The following PRTFDC1 variants were observed in gnomAD, a reference collection of about 807,000 sequenced individuals.
PRTFDC1 encodes the protein phosphoribosyl transferase domain containing 1.
A neutral mutation model predicts 34.6 loss-of-function variants in PRTFDC1; 38 were observed. That is an observed-to-expected ratio of 1.10 (90% CI 0.85 to 1.44). The LOEUF is 1.44. Ranked by LOEUF, PRTFDC1 falls within the 40% of genes most tolerant of loss-of-function variation. The pLI, the probability that PRTFDC1 is intolerant of heterozygous loss-of-function variation, is 0.00. For synonymous variants in PRTFDC1, 93 were observed against 98.1 expected (o/e 0.95, Z 0.31); for missense variants, 270 against 283.0 (o/e 0.95, Z 0.33).
At chr10:24,864,935 G>A (rs1255575782) in intron 4 of PRTFDC1, among the ~76,000 whole-genome samples, 1 of 152,096 alleles carries the variant, frequency 6.6e-6, no homozygotes, top group Non-Finnish European at 1.5e-5. Context: ...AGCCAACATG[G>A]TGAACCTCTG....
chr10:24,887,269 C>A (rs369296421), intron 3 of PRTFDC1, among the ~76,000 whole-genome samples: 1 of 152,140 alleles, frequency 6.6e-6, no homozygotes, highest in East Asian at 1.9e-4. Flanking sequence ...CGCGCCCGGC[C>A]GTTAATACTC....
At chr10:24,868,142 G>C (rs1847815849) in intron 4 of PRTFDC1, 1 of 152,080 alleles carries the variant, frequency 6.6e-6, no homozygotes, top group Non-Finnish European at 1.5e-5. Flanking sequence ...GTTGGTTTTG[G>C]GTACATGACA....
In PRTFDC1 at chr10:24,848,669, T is replaced by A. The variant is rs1410294477; in HGVS notation, c.*1175A>T. ...TAGTTTAAAGGAAGCTAGAACCTAA[T>A]AACAATACGCCACATACGGTTCAGA... On this transcript the variant is annotated 3_prime_UTR_variant, in exon 9 of 9. Transcript: ENST00000320152. 1 of 152,206 alleles carries A rather than the reference T, an allele frequency of 6.6e-6. No homozygotes were observed. The highest frequency in any genetic ancestry group is 1.5e-5 in the Non-Finnish European group (1 of 68,046). 9.4% of individuals were successfully genotyped at this position (152,206 alleles called of 1,614,324 possible).
chr10:24,881,822 G>C (rs2132526496), intron 3 of PRTFDC1, among the ~76,000 whole-genome samples: 1 of 152,234 alleles, frequency 6.6e-6, no homozygotes, highest in Admixed American at 6.5e-5. Context: ...TCTGGGTACA[G>C]GAAATGCAAT....
chr10:24,897,952 G>T (rs1443074998), intron 3 of PRTFDC1, among the ~76,000 whole-genome samples: 1 of 152,102 alleles, frequency 6.6e-6, no homozygotes, highest in Non-Finnish European at 1.5e-5. Context: ...ATGGTGCAGG[G>T]CGTCTTTAAA....
chr10:24,933,331 A>G (rs187907505), intron 3 of PRTFDC1, among the ~76,000 whole-genome samples: 10 of 152,230 alleles, frequency 6.6e-5, no homozygotes, highest in Admixed American at 6.5e-4. Flanking sequence ...ACTAAAAAAT[A>G]TATCAAAACA....
Position 24,893,801 on chromosome 10 carries a change from C to G in PRTFDC1, c.340-21738G>C, listed in dbSNP as rs554398255. ...GTAATTGGCAGAGCCTGAATGTGAA[C>G]CCAGGCCTGCCCCACAGCAGAGCCC... is the stretch of plus-strand genomic sequence containing the variant. On this transcript the variant is annotated intron_variant, in intron 3 of 8. Transcript: ENST00000320152. 3.9e-5 allele frequency among the ~76,000 whole-genome samples: 6 copies of G among 152,136 alleles called. No homozygotes were observed. In the South Asian group the frequency reaches 8.3e-4, roughly 21 times the overall value.
At chr10:24,910,874 T>C (rs889849269) in intron 3 of PRTFDC1, among the ~76,000 whole-genome samples, 41 of 151,680 alleles carry the variant, frequency 2.7e-4, no homozygotes, top group African/African-American at 9.9e-4. Context: ...AGGAGACAGA[T>C]GCCTAGAGAG....
At chr10:24,852,381 G>T (rs796431524) in intron 7 of PRTFDC1, among the ~76,000 whole-genome samples, 29 of 152,224 alleles carry the variant, frequency 1.9e-4, no homozygotes, top group African/African-American at 6.7e-4. Flanking sequence ...TCGAACTCTT[G>T]ACCTCAAGTG....
At chr10:24,946,172 T>C (rs1384143219) in intron 1 of PRTFDC1, among the ~76,000 whole-genome samples, 2 of 152,072 alleles carry the variant, frequency 1.3e-5, no homozygotes, top group Non-Finnish European at 2.9e-5. Context: ...CCCGTTCTGG[T>C]TGAATCTTGG....
chr10:24,922,140 T>A (rs920885097), intron 3 of PRTFDC1, among the ~76,000 whole-genome samples: 13 of 152,228 alleles, frequency 8.5e-5, no homozygotes, highest in Admixed American at 6.5e-4. Context: ...GAATATGTAA[T>A]CTCAAAAAGA....
intron 3 of PRTFDC1, among the ~76,000 whole-genome samples, chr10:24,920,277 G>GTATA (rs143259579): frequency 1.1e-4 from 16 of 151,192 alleles, no homozygotes; most frequent in African/African-American, 3.9e-4. Context: ...ATATATATGT[G>GTATA]TATATATATA....
chr10:24,919,974 T>C (rs370118231), intron 3 of PRTFDC1, among the ~76,000 whole-genome samples: 1 of 151,914 alleles, frequency 6.6e-6, no homozygotes, highest in Non-Finnish European at 1.5e-5. Flanking sequence ...CAAGAAACGA[T>C]AGATGCTGGT....
intron 3 of PRTFDC1, among the ~76,000 whole-genome samples, chr10:24,909,324 T>G (rs533026861): frequency 2.0e-4 from 30 of 152,206 alleles, no homozygotes; most frequent in Non-Finnish European, 3.8e-4. Flanking sequence ...GAAAGAGATA[T>G]TGTAGAACTT....
Position 24,884,523 on chromosome 10 carries a change from C to T in PRTFDC1, c.340-12460G>A, listed in dbSNP as rs184388496. On this transcript the variant is annotated intron_variant, in intron 3 of 8. Transcript: ENST00000320152. ...TGTCATAACAATGGGCAGAGCCACC[C>T]GCAGAGCCAGGCAAGAGGAGCCCTG... 5.9e-5 allele frequency among the ~76,000 whole-genome samples: 9 copies of T among 152,278 alleles called. No individual in the cohort carries two copies. In the East Asian group the frequency reaches 7.7e-4, roughly 13 times the overall value.
At chr10:24,923,688 C>T (rs7079390) in intron 3 of PRTFDC1, among the ~76,000 whole-genome samples, 49,181 of 152,002 alleles carry the variant, frequency 0.32, 9,360 homozygotes, top group African/African-American at 0.53. Context: ...ACCACAAAGA[C>T]GGGGAGAAAC....
chr10:24,860,662 G>A (rs958084686), intron 4 of PRTFDC1, among the ~76,000 whole-genome samples: 1 of 151,944 alleles, frequency 6.6e-6, no homozygotes, highest in Non-Finnish European at 1.5e-5. Flanking sequence ...TTGAAGCAGG[G>A]CATGCCACGT....
chr10:24,900,389 G>A (rs896398776), intron 3 of PRTFDC1, among the ~76,000 whole-genome samples: 3 of 152,190 alleles, frequency 2.0e-5, no homozygotes, highest in South Asian at 2.1e-4. Flanking sequence ...CCAGGAACTC[G>A]GAAGCTCTGT....
intron 3 of PRTFDC1, among the ~76,000 whole-genome samples, chr10:24,921,144 G>T (rs1284298768): frequency 4.6e-5 from 7 of 152,054 alleles, no homozygotes; most frequent in Non-Finnish European, 1.5e-5. Context: ...CACTTCCTGA[G>T]TGATCAGGGC....
Sources: gnomAD v4.1 joint callset for allele counts (sites outside exome capture counted in the v4.1 genomes callset) on GRCh38, gnomAD v4.1.1 for gene constraint, MANE v1.5 for transcripts, NCBI Gene and HGNC (gene_info 2026-07-23, HGNC 2026-07-21) for gene names.